The following CNTN5 variants were observed in gnomAD, a reference collection of about 807,000 sequenced individuals.
CNTN5 encodes the protein contactin-5.
In CNTN5, 77 loss-of-function variants were observed where a neutral mutation model predicts 129.1. The observed-to-expected ratio is 0.60, with a 90% CI of 0.50 to 0.72. The LOEUF is 0.72. Ranked by LOEUF, CNTN5 falls within the 30% of genes least tolerant of loss-of-function variation. The probability of loss-of-function intolerance (pLI) is 0.00; values close to 1 mark genes in which losing one functional copy is unlikely to be tolerated. For synonymous variants in CNTN5, 509 were observed against 465.6 expected (o/e 1.09, Z -1.20); for missense variants, 1,478 against 1,328.8 (o/e 1.11, Z -1.75).
At chr11:100,284,139 A>G (rs1051703998) in intron 18 of CNTN5, among the ~76,000 whole-genome samples, 5 of 152,092 alleles carry the variant, frequency 3.3e-5, no homozygotes, top group African/African-American at 1.2e-4. Flanking sequence ...TGGGGAATGG[A>G]GGAGCGGTGG....
At chr11:99,920,120 C>T (rs1200040040) in intron 7 of CNTN5, among the ~76,000 whole-genome samples, 1 of 152,084 alleles carries the variant, frequency 6.6e-6, no homozygotes. Flanking sequence ...TTTAAGGACA[C>T]ATTCCATTTT....
chr11:99,476,854 A>G (rs1945389494), intron 2 of CNTN5, among the ~76,000 whole-genome samples: 2 of 152,244 alleles, frequency 1.3e-5, no homozygotes, highest in South Asian at 4.1e-4. Context: ...CCAACAAGTG[A>G]ATGGCTAATT....
In CNTN5 at chr11:99,985,507, T is replaced by C. The variant is rs181622163; in HGVS notation, c.878-16527T>C. On this transcript the variant is annotated intron_variant, in intron 8 of 24. Transcript: ENST00000524871. ...GGGTAGGGTGGGCTATAGGTAGTTT[T>C]GGAAAAGGCAACATTCAGTTGGTAA... is the stretch of plus-strand genomic sequence containing the variant. Among the ~76,000 whole-genome samples, 9 of 152,268 alleles carry C rather than the reference T, an allele frequency of 5.9e-5. No homozygotes were observed. The East Asian group carries it at 1.7e-3, about 30-fold the overall frequency.
At chr11:99,666,329 G>A (rs1952791607) in intron 3 of CNTN5, among the ~76,000 whole-genome samples, 1 of 152,154 alleles carries the variant, frequency 6.6e-6, no homozygotes. Context: ...GTGAATTGGA[G>A]ATGCAATGGG....
chr11:100,285,532 T>C (rs1950761941), intron 18 of CNTN5, among the ~76,000 whole-genome samples: 2 of 152,230 alleles, frequency 1.3e-5, no homozygotes, highest in Non-Finnish European at 2.9e-5. Flanking sequence ...TCTCAATATG[T>C]AGCCATTTTC....
chr11:99,740,019 A>G (rs1032967691), intron 3 of CNTN5, among the ~76,000 whole-genome samples: 2 of 151,398 alleles, frequency 1.3e-5, no homozygotes, highest in African/African-American at 2.4e-5. Context: ...TGATAAATCT[A>G]TCTTCGATCT....
At chr11:100,042,524 T>C (rs556734331) in intron 9 of CNTN5, among the ~76,000 whole-genome samples, 14 of 152,182 alleles carry the variant, frequency 9.2e-5, no homozygotes, top group Non-Finnish European at 7.4e-5. Flanking sequence ...TGATTTGCAG[T>C]TGGGGAGTAC....
chr11:99,073,513 G>A (rs1424620243), intron 1 of CNTN5, among the ~76,000 whole-genome samples: 1 of 150,926 alleles, frequency 6.6e-6, no homozygotes, highest in Non-Finnish European at 1.5e-5. Context: ...AGCCTCGCAT[G>A]CATTAGGTAT....
chr11:99,110,533 TCTA>T (rs1252910097), intron 1 of CNTN5, among the ~76,000 whole-genome samples: 1 of 152,146 alleles, frequency 6.6e-6, no homozygotes, highest in Non-Finnish European at 1.5e-5. Context: ...AGGTGGTACT[TCTA>T]CTATTACTGA....
At chr11:100,032,030 T>C (rs1281614379) in intron 9 of CNTN5, among the ~76,000 whole-genome samples, 1 of 152,216 alleles carries the variant, frequency 6.6e-6, no homozygotes, top group African/African-American at 2.4e-5. Context: ...GAGAGCCCTG[T>C]TGCATTGTGG....
intron 1 of CNTN5, among the ~76,000 whole-genome samples, chr11:99,201,684 T>TA (rs1197589652): frequency 6.6e-6 from 1 of 152,104 alleles, no homozygotes; most frequent in Non-Finnish European, 1.5e-5. Context: ...GGCAAAAGTT[T>TA]AGTCAGTCAA....
At chr11:100,076,070 T>A (rs1050446083) in intron 13 of CNTN5, among the ~76,000 whole-genome samples, 1 of 152,064 alleles carries the variant, frequency 6.6e-6, no homozygotes, top group Non-Finnish European at 1.5e-5. Context: ...CAGATAGTGA[T>A]TGAATATTAG....
intron 2 of CNTN5, among the ~76,000 whole-genome samples, chr11:99,412,373 T>G (rs1350080078): frequency 6.6e-6 from 1 of 152,176 alleles, no homozygotes; most frequent in African/African-American, 2.4e-5. Context: ...TATATAAAGA[T>G]CCCAACTTCA....
intron 13 of CNTN5, among the ~76,000 whole-genome samples, chr11:100,117,876 A>T (rs1945890414): frequency 1.3e-5 from 2 of 151,894 alleles, no homozygotes; most frequent in Admixed American, 1.3e-4. Flanking sequence ...CCACTACGGC[A>T]TTAATGTATA....
intron 2 of CNTN5, among the ~76,000 whole-genome samples, chr11:99,445,319 T>C (rs1015109632): frequency 6.6e-6 from 1 of 152,030 alleles, no homozygotes; most frequent in Admixed American, 6.6e-5. Context: ...TGGCAATAAG[T>C]AAGTTTATAA....
chr11:99,387,751 C>T (rs1203525045), intron 2 of CNTN5, among the ~76,000 whole-genome samples: 3 of 152,110 alleles, frequency 2.0e-5, no homozygotes, highest in Admixed American at 6.6e-5. Context: ...TCTCTTTGAC[C>T]TTATGCTGGG....
intron 6 of CNTN5, among the ~76,000 whole-genome samples, chr11:99,864,127 A>G (rs2135781784): frequency 6.6e-6 from 1 of 152,306 alleles, no homozygotes; most frequent in South Asian, 2.1e-4. Flanking sequence ...ATATAATAGT[A>G]TGAAAATGTT....
intron 1 of CNTN5, among the ~76,000 whole-genome samples, chr11:99,077,167 G>A (rs1036736377): frequency 1.3e-5 from 2 of 152,170 alleles, no homozygotes; most frequent in Non-Finnish European, 2.9e-5. Context: ...TGTTGGAGAA[G>A]GCATTTGGGA....
chr11:99,317,685 C>T (rs1865398432), intron 1 of CNTN5, among the ~76,000 whole-genome samples: 1 of 152,006 alleles, frequency 6.6e-6, no homozygotes, highest in South Asian at 2.1e-4. Context: ...TAACTTGTTT[C>T]GTACATTTAA....
Sources: allele counts gnomAD v4.1 joint callset (sites outside exome capture counted in the v4.1 genomes callset), GRCh38; gene constraint gnomAD v4.1.1; transcripts MANE v1.5; gene names NCBI Gene and HGNC (gene_info 2026-07-23, HGNC 2026-07-21).